Variants in ME3 observed in about 807,000 individuals in gnomAD.
The protein encoded by ME3 is malic enzyme 3, also known as NADP-dependent malic enzyme, mitochondrial.
A neutral mutation model predicts 68.9 loss-of-function variants in ME3; 48 were observed. That is an observed-to-expected ratio of 0.70 (90% CI 0.55 to 0.89). ME3 has a LOEUF of 0.89. ME3 is among the 40% of genes least tolerant of loss of function. ME3 has a pLI of 0.00. For missense variants in ME3, 675 were observed against 797.4 expected (o/e 0.85, Z 1.85); for synonymous variants, 320 against 318.8 (o/e 1.00, Z -0.04).
chr11:86,667,028 G>A (rs944074237), intron 2 of ME3, among the ~76,000 whole-genome samples: 2 of 152,188 alleles, frequency 1.3e-5, no homozygotes, highest in Non-Finnish European at 2.9e-5. Context: ...GCTGAAATCT[G>A]TGCAGTCTCA....
At chr11:86,651,979 G>A (rs931459451) in intron 2 of ME3, among the ~76,000 whole-genome samples, 4 of 152,202 alleles carry the variant, frequency 2.6e-5, no homozygotes, top group Non-Finnish European at 5.9e-5. Context: ...CGATCAACTG[G>A]AAGAAAGGGT....
chr11:86,534,081 G>GTATATATATATATA (rs57566563), intron 4 of ME3, among the ~76,000 whole-genome samples: 10 of 127,500 alleles, frequency 7.8e-5, no homozygotes, highest in African/African-American at 3.2e-4. Context: ...GTGTGTGTGT[G>GTATATATATATATA]TATATATATA....
At chr11:86,580,134 CT>C (rs1227159592) in intron 2 of ME3, among the ~76,000 whole-genome samples, 2 of 152,268 alleles carry the variant, frequency 1.3e-5, no homozygotes, top group East Asian at 3.9e-4. Flanking sequence ...CTACATGCAC[CT>C]TGTCAAATTG....
intron 2 of ME3, among the ~76,000 whole-genome samples, chr11:86,563,520 G>T (rs960069173): frequency 6.6e-6 from 1 of 151,916 alleles, no homozygotes; most frequent in East Asian, 1.9e-4. Context: ...AACATTCTTC[G>T]CCAAAGTTGA....
chr11:86,635,521 A>G (rs1944279159), intron 2 of ME3, among the ~76,000 whole-genome samples: 1 of 152,218 alleles, frequency 6.6e-6, no homozygotes, highest in South Asian at 2.1e-4. Context: ...TCTCCATTGT[A>G]ATGGTATTAA....
intron 7 of ME3, among the ~76,000 whole-genome samples, chr11:86,484,955 A>G (rs1361358914): frequency 1.3e-5 from 2 of 152,156 alleles, no homozygotes; most frequent in African/African-American, 4.8e-5. Context: ...TTAGAATAGA[A>G]TACTGGGGTG....
intron 6 of ME3, among the ~76,000 whole-genome samples, chr11:86,488,159 A>G (rs185475388): frequency 4.2e-4 from 64 of 152,316 alleles, no homozygotes; most frequent in Non-Finnish European, 6.9e-4. Flanking sequence ...TAGTCTGGGC[A>G]ACAGAATGAG....
At chr11:86,671,646 A>G (rs1946951449) in intron 2 of ME3, 116 bp downstream of exon 2, 10 of 1,340,752 alleles carry the variant, frequency 7.5e-6, no homozygotes, top group Non-Finnish European at 6.2e-6. Flanking sequence ...AGGCAAAAAC[A>G]GAAAAACCGC....
rs1321964865 is a variant in ME3 at position 86,442,627 on chromosome 11, G to A, written c.1653+194C>T. ...GAAATCCAGGAGCTTTCCCAGAACT[G>A]GCCTGGGTGGGTGTTTGGGGTGGAG... On this transcript the variant is annotated intron_variant, in intron 14 of 14. Transcript: ENST00000543262. Among the ~76,000 whole-genome samples, 8 of 152,042 alleles carry A rather than the reference G, an allele frequency of 5.3e-5. No homozygotes were observed. In the East Asian group the frequency reaches 1.5e-3, roughly 29 times the overall value.
chr11:86,612,902 T>G (rs1452666444), intron 2 of ME3, among the ~76,000 whole-genome samples: 4 of 152,234 alleles, frequency 2.6e-5, no homozygotes, highest in African/African-American at 7.2e-5. Context: ...GTGCAGAAGC[T>G]CTTTAGTTTA....
intron 4 of ME3, among the ~76,000 whole-genome samples, chr11:86,543,067 G>A (rs1227425578): frequency 1.3e-5 from 2 of 152,164 alleles, no homozygotes; most frequent in African/African-American, 4.8e-5. Flanking sequence ...CTTCATAAGT[G>A]AAGGAGAAAT....
chr11:86,440,261 A>C (rs564896074), downstream of ME3, among the ~76,000 whole-genome samples: 1 of 152,320 alleles, frequency 6.6e-6, no homozygotes, highest in African/African-American at 2.4e-5. Context: ...TCTTAGCAGT[A>C]TCTAATTTCA....
rs180677347 is a variant in ME3 at position 86,547,545 on chromosome 11, G to A, written c.467+9008C>T. On this transcript the variant is annotated intron_variant, in intron 4 of 14. Transcript: ENST00000543262. The stretch of plus-strand genomic sequence containing the variant: ...TACCTTATGTAGATGACGGGTTGAT[G>A]GGTGCAGTAAACCACCATGGCATGT... 4.5e-4 allele frequency among the ~76,000 whole-genome samples: 69 copies of A among 152,148 alleles called. No individual in the cohort carries two copies. In the East Asian group the frequency reaches 0.011, roughly 25 times the overall value.
At chr11:86,602,875 G>A (rs1208535773) in intron 2 of ME3, among the ~76,000 whole-genome samples, 2 of 152,176 alleles carry the variant, frequency 1.3e-5, no homozygotes, top group Admixed American at 6.5e-5. Context: ...AATAAATGGT[G>A]CTGGGAAAAC....
intron 6 of ME3, among the ~76,000 whole-genome samples, chr11:86,492,386 A>T (rs1427256123): frequency 2.6e-5 from 4 of 152,194 alleles, no homozygotes. Flanking sequence ...CCTCCAAATG[A>T]GTTTTTGAAG....
chr11:86,619,044 TCCC>T (rs1943175762), intron 2 of ME3, among the ~76,000 whole-genome samples: 1 of 152,106 alleles, frequency 6.6e-6, no homozygotes, highest in South Asian at 2.1e-4. Context: ...GGCACCTTCT[TCCC>T]CCCAACCCGC....
At chr11:86,562,685 T>A (rs1346464959) in intron 2 of ME3, among the ~76,000 whole-genome samples, 1 of 152,136 alleles carries the variant, frequency 6.6e-6, no homozygotes, top group East Asian at 1.9e-4. Flanking sequence ...TTTCAGCCTT[T>A]ATTTTAGATA....
chr11:86,483,485 G>T (rs1951524650), intron 7 of ME3, among the ~76,000 whole-genome samples: 1 of 151,998 alleles, frequency 6.6e-6, no homozygotes, highest in Non-Finnish European at 1.5e-5. Context: ...TTCCAATATG[G>T]TGTGTATCTC....
chr11:86,551,105 G>A (rs1565940591), intron 4 of ME3, among the ~76,000 whole-genome samples: 2 of 152,144 alleles, frequency 1.3e-5, no homozygotes, highest in African/African-American at 2.4e-5. Context: ...GGAGGTAAAT[G>A]TGAACCTTAA....
Sources: allele counts gnomAD v4.1 joint callset (sites outside exome capture counted in the v4.1 genomes callset), GRCh38; gene constraint gnomAD v4.1.1; transcripts MANE v1.5; gene names NCBI Gene and HGNC (gene_info 2026-07-23, HGNC 2026-07-21).